PRC1: variants seen among roughly 807,000 people sequenced by gnomAD.
PRC1 encodes the protein protein regulator of cytokinesis 1.
PRC1 carries 54 observed loss-of-function variants against 91.2 expected under a neutral mutation model. The ratio of observed to expected loss-of-function variants is 0.59; its 90% confidence interval spans 0.48 to 0.74. PRC1 has a LOEUF of 0.74. Ranked by LOEUF, PRC1 falls within the 30% of genes least tolerant of loss-of-function variation. PRC1 has a pLI of 0.00. For synonymous variants in PRC1, 275 were observed against 263.6 expected, an observed-to-expected ratio of 1.04 and a Z score of -0.42; for missense variants, 727 against 746.2, an observed-to-expected ratio of 0.97 and a Z score of 0.30.
Position 90,984,066 on chromosome 15 carries a change from C to G in PRC1, c.219G>C (p.Gln73His). ...CGCTGCACAGAGTGTTCAGCTCTTT[C>G]TGACAGACGGATATGCTTTTGATGA... is the stretch of plus-strand genomic sequence containing the variant. ...ERLIKSISVC[Q>H]KELNTLCSEL... is the part of the protein sequence containing the mutation. Residue 73 changes from glutamine (Q) to histidine (H), a missense_variant, in exon 3 of 15, where the codon CAG becomes CAC. Physicochemically the swap from Gln to His is conservative, Grantham distance 24. Transcript: ENST00000394249. The surrounding 1 kb of genome is among the most constrained non-coding windows in gnomAD (Gnocchi z 5.1). 1.2e-6 allele frequency: 2 copies of G among 1,614,134 alleles called. No individual in the cohort carries two copies. The highest frequency in any genetic ancestry group is 1.7e-6 in the Non-Finnish European group (2 of 1,180,018).
intron 14 of PRC1, chr15:90,968,382 G>C: frequency 5.1e-6 from 5 of 985,558 alleles, no homozygotes; most frequent in Non-Finnish European, 6.0e-6. Context: ...GCAATTAAGA[G>C]GGGAGGCAGG....
rs535089776 is a variant in PRC1, at chr15:90,969,113, G to A, written c.1757C>T (p.Pro586Leu). The A allele has an allele frequency of 1.1e-5, 17 of 1,613,056 alleles. No individual in the cohort carries two copies. Among genetic ancestry groups the A allele is most frequent in the South Asian group, 3.3e-5 (3 of 91,040 alleles). The part of the protein sequence containing the change: ...ASTYSEFAKD[P>L]SLSDSSTVGL... ...AACAGTGGAACTGTCAGAGAGGGAC[G>A]GATCCTTCTAAGAACAAAGAATTAA... Residue 586 changes from proline to leucine, a missense_variant, in exon 14 of 15, where the codon CCG (proline) becomes CTG (leucine). Pro to Leu is a moderately conservative substitution (Grantham distance 98). Transcript: ENST00000394249.
intron 14 of PRC1, chr15:90,968,476 A>C: frequency 2.0e-6 from 2 of 985,526 alleles, no homozygotes; most frequent in Non-Finnish European, 2.4e-6. Context: ...GAAATCACAG[A>C]TTAAGTAAAA....
At chr15:90,968,764 G>A (rs2037774572) in intron 14 of PRC1, 1 of 1,174,464 alleles carries the variant, frequency 8.5e-7, no homozygotes, top group East Asian at 5.1e-5. Context: ...ATGTGATTGG[G>A]GGCCTCTATT....
chr15:90,980,860 C>G, intron 6 of PRC1, 24 bp downstream of exon 6: 1 of 1,614,090 alleles, frequency 6.2e-7, no homozygotes, highest in Non-Finnish European at 8.5e-7. Context: ...AGACTGCTGA[C>G]CCAGTACCCA....
chr15:90,979,479 G>T (rs946677043), intron 7 of PRC1, among the ~76,000 whole-genome samples, 185 bp from the exon 8 acceptor site: 6 of 152,172 alleles, frequency 3.9e-5, no homozygotes, highest in Non-Finnish European at 5.9e-5. Flanking sequence ...GTCACAATCA[G>T]CCTGGGGGAG....
rs869065052 is a variant in PRC1 at position 90,978,753 on chromosome 15, C to CAAAAAA, written c.1107+399_1107+404dup. On this transcript the variant is annotated intron_variant, in intron 8 of 14. Coordinates refer to ENST00000394249, the MANE Select transcript of PRC1 (RefSeq NM_003981.4). ...GGGCAACAAGAGCGAAACTCCACCT[C>CAAAAAA]AAAAAAAAAAAAAAAAAAAAAAAAA... is the stretch of plus-strand genomic sequence containing the variant. Among the ~76,000 whole-genome samples the CAAAAAA allele has an allele frequency of 5.5e-3, 217 of 39,656 alleles. 23 individuals carry two copies. The highest frequency in any genetic ancestry group is 0.014 in the African/African-American group (136 of 9,892). The allele number at this position is 39,656 out of a possible 152,430, so 26.0% of individuals were successfully genotyped here. A position where few individuals can be genotyped will look rare whatever the true frequency, so the allele number is the denominator to read the frequency against.
chr15:90,987,843 C>A (rs2039697169), intron 1 of PRC1: 1 of 152,196 alleles, frequency 6.6e-6, no homozygotes, highest in South Asian at 2.1e-4. Context: ...GGATCTCTAA[C>A]AATGTGTCTC....
intron 3 of PRC1, chr15:90,983,812 T>A: frequency 2.0e-6 from 1 of 506,016 alleles, no homozygotes; most frequent in Admixed American, 3.3e-5. Context: ...CATCTATTAG[T>A]TGCTTCACCT....
In PRC1 at chr15:90,974,376, C is replaced by T; in HGVS notation, c.1351-130G>A. ...GAGCTAAAGAGCTGCCGCGGGCTCC[C>T]CGTTCCACAAGCCCCGGTCCCCGGC... is the stretch of plus-strand genomic sequence containing the variant. On this transcript the variant is annotated intron_variant, in intron 10 of 14. Transcript: ENST00000394249. This position sits in a 1 kb window ranked among gnomAD's most constrained non-coding sequence, Gnocchi z 4.6. 1 of 1,070,024 alleles carries T rather than the reference C, an allele frequency of 9.3e-7. No homozygotes were observed. The highest frequency in any genetic ancestry group is 1.3e-6 in the Non-Finnish European group (1 of 741,856). The allele number at this position is 1,070,024 out of a possible 1,614,324, so 66.3% of individuals were successfully genotyped here. A position where few individuals can be genotyped will look rare whatever the true frequency, so the allele number is the denominator to read the frequency against.
At chr15:90,977,956 G>C (rs1425091693) in intron 8 of PRC1, among the ~76,000 whole-genome samples, 1 of 152,168 alleles carries the variant, frequency 6.6e-6, no homozygotes, top group African/African-American at 2.4e-5. Flanking sequence ...AAAGACATCT[G>C]TTCTTAAGCA....
At chr15:90,969,419 C>G (rs765022999) in intron 13 of PRC1, 28 bp downstream of exon 13, 1 of 1,569,112 alleles carries the variant, frequency 6.4e-7, no homozygotes, top group Non-Finnish European at 8.7e-7. Context: ...TCCCCAGAGA[C>G]TGGTAGATAT....
Position 90,974,573 on chromosome 15 carries a change from G to T in PRC1, c.1350+12C>A. On this transcript the variant is annotated intron_variant, in intron 10 of 14. Coordinates refer to ENST00000394249, the MANE Select transcript of PRC1 (RefSeq NM_003981.4). The surrounding 1 kb of genome is among the most constrained non-coding windows in gnomAD (Gnocchi z 4.6). ...TCGTCTTTTCCCAATTTGCGTTCAC[G>T]TTCACACTTACTCTTTCCTGCTTGG... 3 of 1,614,060 alleles carry T rather than the reference G, an allele frequency of 1.9e-6. No individual in the cohort carries two copies. Among genetic ancestry groups the T allele is most frequent in the Non-Finnish European group, 2.5e-6 (3 of 1,180,028 alleles).
intron 1 of PRC1, among the ~76,000 whole-genome samples, chr15:90,994,055 G>A (rs2040143835): frequency 1.3e-5 from 2 of 152,196 alleles, no homozygotes; most frequent in Admixed American, 6.5e-5. Context: ...CGGGCGGGGA[G>A]GGTGGGGTCC....
In PRC1 at chr15:90,984,298, G is replaced by A. The variant is rs570047708; in HGVS notation, c.145-158C>T. 7.9e-5 allele frequency among the ~76,000 whole-genome samples: 12 copies of A among 151,982 alleles called. No homozygotes were observed. The South Asian group carries it at 1.9e-3, about 24-fold the overall frequency. On this transcript the variant is annotated intron_variant, in intron 2 of 14. Transcript: ENST00000394249. This position sits in a 1 kb window ranked among gnomAD's most constrained non-coding sequence, Gnocchi z 5.1. ...GGCTGGAGTGCAATGGCGTGCTTTCGGCTCACTGCAACCTCTACCTTCCGG... is the reference window on the plus strand; with the variant it reads ...GGCTGGAGTGCAATGGCGTGCTTTCAGCTCACTGCAACCTCTACCTTCCGG...
rs141668295 is a variant in PRC1, at chr15:90,974,191, C to T, written c.1406G>A (p.Arg469Gln). 616 of 1,614,172 alleles carry T rather than the reference C, an allele frequency of 3.8e-4. No individual in the cohort carries two copies. The highest frequency in any genetic ancestry group is 4.7e-4 in the Non-Finnish European group (555 of 1,180,044). The change falls in exon 11 of 15, where the codon CGA (arginine) becomes CAA (glutamine). Residue 469 changes from arginine to glutamine, a missense_variant. By Grantham distance (43) the Arg-to-Gln change is conservative. Coordinates refer to ENST00000394249, the MANE Select transcript of PRC1 (RefSeq NM_003981.4). The surrounding 1 kb of genome is among the most constrained non-coding windows in gnomAD (Gnocchi z 4.6). Reference sequence around the variant, plus strand: ...CAGTCCTCGCCGCTTGCTAGGTGTTCGAGGAGCGCTGCCATACAGCATCTC... The same window carrying T: ...CAGTCCTCGCCGCTTGCTAGGTGTTTGAGGAGCGCTGCCATACAGCATCTC... The part of the protein sequence containing the change: ...ETEMLYGSAP[R>Q]TPSKRRGLAP...
At chr15:90,982,192 A>G (rs2039251235) in intron 3 of PRC1, 2 of 583,472 alleles carry the variant, frequency 3.4e-6, no homozygotes, top group Non-Finnish European at 6.1e-6. Context: ...TTTCCCCCCA[A>G]TTTTAAAACT....
At position 90,984,294 on chromosome 15, in the gene PRC1, T is replaced by G. The variant is rs1326399137; in HGVS notation, c.145-154A>C. Reference sequence around the variant, plus strand: ...CCCAGGCTGGAGTGCAATGGCGTGCTTTCGGCTCACTGCAACCTCTACCTT... The same window carrying G: ...CCCAGGCTGGAGTGCAATGGCGTGCGTTCGGCTCACTGCAACCTCTACCTT... On this transcript the variant is annotated intron_variant, in intron 2 of 14. Transcript: ENST00000394249. This position sits in a 1 kb window ranked among gnomAD's most constrained non-coding sequence, Gnocchi z 5.1. Among the ~76,000 whole-genome samples the G allele has an allele frequency of 6.6e-6, 1 of 152,196 alleles. No homozygotes were observed. The highest frequency in any genetic ancestry group is 2.4e-5 in the African/African-American group (1 of 41,456).
At chr15:90,982,521 G>A (rs1352210631) in intron 3 of PRC1, 1 of 154,770 alleles carries the variant, frequency 6.5e-6, no homozygotes, top group Non-Finnish European at 1.4e-5. Flanking sequence ...GGCCAAGGTG[G>A]GCAGATCACG....
Sources: gnomAD v4.1 joint callset for allele counts (sites outside exome capture counted in the v4.1 genomes callset) on GRCh38, gnomAD v4.1.1 for gene constraint, Gnocchi (gnomAD v3.1) non-coding constraint, MANE v1.5 for transcripts, NCBI Gene and HGNC (gene_info 2026-07-23, HGNC 2026-07-21) for gene names.